The following NIBAN1 variants were observed in gnomAD, a reference collection of about 807,000 sequenced individuals.
NIBAN1 encodes protein Niban 1.
NIBAN1 carries 81 observed loss-of-function variants against 75.1 expected under a neutral mutation model. The ratio of observed to expected loss-of-function variants is 1.08; its 90% CI spans 0.90 to 1.30. The LOEUF is 1.30. Ranked by LOEUF, NIBAN1 falls within the 50% of genes most tolerant of loss-of-function variation. The pLI is 0.00. For synonymous variants in NIBAN1, 436 were observed against 424.8 expected (o/e 1.03, Z -0.32); for missense variants, 1,133 against 1,128.1 (o/e 1.00, Z -0.06).
At chr1:184,972,051 C>T (rs1471969282) in intron 1 of NIBAN1, among the ~76,000 whole-genome samples, 1 of 152,198 alleles carries the variant, frequency 6.6e-6, no homozygotes, top group Non-Finnish European at 1.5e-5. Context: ...GATTCAGCGT[C>T]AGTAGCATAC....
At chr1:184,909,481 G>A (rs1657185583) in intron 1 of NIBAN1, among the ~76,000 whole-genome samples, 1 of 152,118 alleles carries the variant, frequency 6.6e-6, no homozygotes, top group African/African-American at 2.4e-5. Flanking sequence ...TGTTAGTCTG[G>A]GGATATGTGT....
chr1:184,829,288 A>G (rs1217280106), intron 6 of NIBAN1, among the ~76,000 whole-genome samples: 11 of 151,960 alleles, frequency 7.2e-5, no homozygotes, highest in Admixed American at 7.2e-4. Flanking sequence ...CATATACCCC[A>G]CACACATATG....
chr1:184,951,711 T>A (rs1279823536), intron 1 of NIBAN1, among the ~76,000 whole-genome samples: 1 of 152,154 alleles, frequency 6.6e-6, no homozygotes, highest in African/African-American at 2.4e-5. Context: ...CCCTACAGTC[T>A]ATTCTCTACA....
At chr1:184,899,943 A>C (rs542690173) in intron 1 of NIBAN1, among the ~76,000 whole-genome samples, 29 of 151,212 alleles carry the variant, frequency 1.9e-4, no homozygotes, top group South Asian at 6.3e-4. Flanking sequence ...CAGCCTCCTG[A>C]GTAGCTGGGA....
chr1:184,823,843 C>T (rs966033184), intron 6 of NIBAN1, 101 bp from the exon 7 acceptor site: 2 of 896,102 alleles, frequency 2.2e-6, no homozygotes, highest in African/African-American at 3.3e-5. Flanking sequence ...CTGTCCCGGA[C>T]CAGATGAACT....
At chr1:184,964,846 C>A (rs1185950747) in intron 1 of NIBAN1, among the ~76,000 whole-genome samples, 3 of 152,120 alleles carry the variant, frequency 2.0e-5, no homozygotes, top group Non-Finnish European at 2.9e-5. Context: ...ATTATTTCAC[C>A]GTTCAAAAAC....
At chr1:184,796,238 C>G (rs1221703684) in intron 13 of NIBAN1, 141 bp from the exon 14 acceptor site, 1 of 754,846 alleles carries the variant, frequency 1.3e-6, no homozygotes, top group Non-Finnish European at 2.0e-6. Context: ...TGACCAAAGT[C>G]TATAAACTCT....
At chr1:184,862,756 T>C (rs1355282313) in intron 5 of NIBAN1, among the ~76,000 whole-genome samples, 2 of 151,956 alleles carry the variant, frequency 1.3e-5, no homozygotes, top group Non-Finnish European at 2.9e-5. Context: ...TGTGGTCATA[T>C]GAGAAACAGC....
chr1:184,970,953 T>C (rs1344643490), intron 1 of NIBAN1, among the ~76,000 whole-genome samples: 1 of 152,186 alleles, frequency 6.6e-6, no homozygotes, highest in East Asian at 1.9e-4. Flanking sequence ...TGGGGTTTTT[T>C]TTTAAGCTAT....
chr1:184,972,710 G>A (rs1658970562), intron 1 of NIBAN1, among the ~76,000 whole-genome samples: 1 of 152,148 alleles, frequency 6.6e-6, no homozygotes, highest in Non-Finnish European at 1.5e-5. Flanking sequence ...TCGTACTTTT[G>A]TATATGTAAT....
intron 1 of NIBAN1, among the ~76,000 whole-genome samples, chr1:184,938,862 G>T (rs900528962): frequency 2.0e-5 from 3 of 152,114 alleles, no homozygotes; most frequent in African/African-American, 4.8e-5. Context: ...TATTACTAGG[G>T]CTTGCTCCAG....
chr1:184,945,713 T>A (rs931775516), intron 1 of NIBAN1, among the ~76,000 whole-genome samples: 1 of 152,150 alleles, frequency 6.6e-6, no homozygotes, highest in African/African-American at 2.4e-5. Flanking sequence ...CCAACAGCAA[T>A]AGACAAAAGA....
chr1:184,963,347 G>A (rs1168001086), intron 1 of NIBAN1, among the ~76,000 whole-genome samples: 1 of 152,016 alleles, frequency 6.6e-6, no homozygotes, highest in African/African-American at 2.4e-5. Context: ...ATAGCAAAAT[G>A]GGGAACATCC....
chr1:184,823,936 A>T (rs1654774800), intron 6 of NIBAN1, among the ~76,000 whole-genome samples, 194 bp from the exon 7 acceptor site: 1 of 152,222 alleles, frequency 6.6e-6, no homozygotes, highest in East Asian at 1.9e-4. Flanking sequence ...ACATTCTTAA[A>T]CATCCGCAAG....
chr1:184,875,069 C>T (rs1461834438), intron 5 of NIBAN1, among the ~76,000 whole-genome samples: 3 of 151,862 alleles, frequency 2.0e-5, no homozygotes, highest in Admixed American at 6.6e-5. Context: ...CTAAGTAACT[C>T]GTAAGTTAAA....
At position 184,795,742 on chromosome 1, in the gene NIBAN1, T is replaced by G; in HGVS notation, c.2022A>C (p.Ala674=). Reference sequence around the variant, plus strand: ...CTGATGAGCATGTGCCCGGGAGTCCTGCTGTGTCCTCTGTTGCCACAGGAT... The same window carrying G: ...CTGATGAGCATGTGCCCGGGAGTCCGGCTGTGTCCTCTGTTGCCACAGGAT... ...VVNPVATEDT[A]GLPGTCSSEL... The change falls in exon 14 of 14, where the codon GCA becomes GCC. Residue 674 remains alanine, a synonymous_variant. Transcript: ENST00000367511. 1 of 1,612,498 alleles carries G rather than the reference T, an allele frequency of 6.2e-7. No homozygotes were observed. The highest frequency in any genetic ancestry group is 2.2e-5 in the East Asian group (1 of 44,874).
chr1:184,959,477 A>C (rs755264893), intron 1 of NIBAN1, among the ~76,000 whole-genome samples: 3 of 152,164 alleles, frequency 2.0e-5, no homozygotes, highest in Non-Finnish European at 2.9e-5. Context: ...CCATGTCTAT[A>C]ATTCCTGAGT....
chr1:184,966,716 G>C (rs1658793620), intron 1 of NIBAN1, among the ~76,000 whole-genome samples: 1 of 152,082 alleles, frequency 6.6e-6, no homozygotes, highest in Non-Finnish European at 1.5e-5. Context: ...ACTAAGCTAT[G>C]CATTTGTTTT....
chr1:184,812,988 T>C (rs1571483423), intron 9 of NIBAN1, among the ~76,000 whole-genome samples: 2 of 152,324 alleles, frequency 1.3e-5, no homozygotes, highest in African/African-American at 4.8e-5. Flanking sequence ...CTAAAATTGG[T>C]TAATAAGAAA....
Sources: allele counts gnomAD v4.1 joint callset (sites outside exome capture counted in the v4.1 genomes callset), GRCh38; gene constraint gnomAD v4.1.1; transcripts MANE v1.5; gene names NCBI Gene and HGNC (gene_info 2026-07-23, HGNC 2026-07-21).